Variants in SLC35F1 observed in about 807,000 individuals in gnomAD.
The protein encoded by SLC35F1 is solute carrier family 35 member F1, also known as chromosome 6 open reading frame 169.
A neutral mutation model predicts 48.7 loss-of-function variants in SLC35F1; 14 were observed. The ratio of observed to expected loss-of-function variants is 0.29; its 90% confidence interval spans 0.19 to 0.45. The LOEUF (loss-of-function observed/expected upper bound fraction) is 0.45. Among genes scored for constraint, SLC35F1 ranks in the 20% least tolerant of loss-of-function variants. The pLI, the probability that SLC35F1 is intolerant of heterozygous loss-of-function variation, is 1.00. For synonymous variants in SLC35F1, 190 were observed against 202.2 expected (o/e 0.94, Z 0.51); for missense variants, 404 against 500.0 (o/e 0.81, Z 1.83).
chr6:118,248,017 A>G (rs1366943570), intron 3 of SLC35F1, among the ~76,000 whole-genome samples: 1 of 152,236 alleles, frequency 6.6e-6, no homozygotes, highest in Non-Finnish European at 1.5e-5. Flanking sequence ...CATTAAGGAT[A>G]TTCCAATGAG....
chr6:118,307,328 T>G (rs1317460360), intron 7 of SLC35F1, among the ~76,000 whole-genome samples: 1 of 152,178 alleles, frequency 6.6e-6, no homozygotes, highest in African/African-American at 2.4e-5. Context: ...TAAAGACAAC[T>G]GATTTTGGTA....
At chr6:118,149,386 T>A (rs1209461773) in intron 1 of SLC35F1, among the ~76,000 whole-genome samples, 2 of 152,210 alleles carry the variant, frequency 1.3e-5, no homozygotes, top group Admixed American at 6.5e-5. Context: ...GTACAACACA[T>A]CGCCAAATGG....
intron 1 of SLC35F1, among the ~76,000 whole-genome samples, chr6:117,914,299 G>A (rs1046586552): frequency 1.3e-5 from 2 of 148,736 alleles, no homozygotes; most frequent in East Asian, 1.9e-4. Flanking sequence ...TGCAAGTTCC[G>A]AGATTATAAG....
chr6:118,298,171 T>G (rs553360179), intron 7 of SLC35F1, among the ~76,000 whole-genome samples: 36 of 152,244 alleles, frequency 2.4e-4, no homozygotes, highest in African/African-American at 8.7e-4. Context: ...AATAAACCAC[T>G]TTTATTTATA....
chr6:118,225,506 A>G (rs955332358), intron 2 of SLC35F1, among the ~76,000 whole-genome samples: 16 of 152,318 alleles, frequency 1.1e-4, no homozygotes, highest in African/African-American at 3.8e-4. Context: ...TGGATTGAAG[A>G]CTTAAGTCTA....
chr6:117,907,535 G>A lies in SLC35F1; in HGVS notation c.-192G>A, dbSNP rs1333376302. 111 of 353,614 alleles carry A rather than the reference G, an allele frequency of 3.1e-4. No individual in the cohort carries two copies. The East Asian group carries it at 4.6e-3, about 15-fold the overall frequency. 21.9% of individuals were successfully genotyped at this position (353,614 alleles called of 1,614,324 possible). On this transcript the variant is annotated 5_prime_UTR_variant, in exon 1 of 8. Transcript: ENST00000360388. ...CGAGGGTGCGCGCACTGGGACTGGAGAGGAGTGAGTGGCGGGCTGGGCGGC... is the reference window on the plus strand; with the variant it reads ...CGAGGGTGCGCGCACTGGGACTGGAAAGGAGTGAGTGGCGGGCTGGGCGGC...
chr6:118,294,822 A>G (rs1776164282), intron 7 of SLC35F1, among the ~76,000 whole-genome samples: 2 of 148,948 alleles, frequency 1.3e-5, no homozygotes. Flanking sequence ...ATAATTACTA[A>G]AAAAAAAAAG....
intron 1 of SLC35F1, among the ~76,000 whole-genome samples, chr6:117,936,757 A>T (rs1776167787): frequency 6.6e-6 from 1 of 152,206 alleles, no homozygotes; most frequent in African/African-American, 2.4e-5. Context: ...TTTTAAAAAA[A>T]AACTTTGTAT....
At chr6:118,193,681 G>T (rs1774763147) in intron 2 of SLC35F1, among the ~76,000 whole-genome samples, 1 of 152,194 alleles carries the variant, frequency 6.6e-6, no homozygotes, top group South Asian at 2.1e-4. Flanking sequence ...GAAAAACCTG[G>T]TAAGTTATTT....
intron 1 of SLC35F1, among the ~76,000 whole-genome samples, chr6:117,964,897 A>T (rs1342198087): frequency 6.6e-6 from 1 of 152,196 alleles, no homozygotes; most frequent in Non-Finnish European, 1.5e-5. Context: ...TGACTGACTA[A>T]AGTTAGGGGT....
At chr6:118,295,822 TA>T (rs1321144397) in intron 7 of SLC35F1, among the ~76,000 whole-genome samples, 1 of 152,204 alleles carries the variant, frequency 6.6e-6, no homozygotes, top group African/African-American at 2.4e-5. Flanking sequence ...CTTTTTAAAG[TA>T]TTGCTAGTGA....
chr6:118,246,733 C>T lies in SLC35F1; in HGVS notation c.477+11097C>T, dbSNP rs191659639. ...ATAAGTGAGAATAAAAATCCTTTCCCCTGGTGTGATCATGGTATGCAAATG... is the reference window on the plus strand; with the variant it reads ...ATAAGTGAGAATAAAAATCCTTTCCTCTGGTGTGATCATGGTATGCAAATG... On this transcript the variant is annotated intron_variant, in intron 3 of 7. Coordinates refer to ENST00000360388, the MANE Select transcript of SLC35F1 (RefSeq NM_001029858.4). Among the ~76,000 whole-genome samples the T allele has an allele frequency of 1.2e-3, 183 of 152,228 alleles. 2 individuals carry two copies. Among genetic ancestry groups the T allele is most frequent in the African/African-American group, 4.1e-3 (170 of 41,540 alleles).
chr6:118,131,235 A>G (rs1773706810), intron 1 of SLC35F1, among the ~76,000 whole-genome samples: 1 of 135,260 alleles, frequency 7.4e-6, no homozygotes, highest in Non-Finnish European at 1.7e-5. Context: ...TGTAACATAG[A>G]AAGCATAAAA....
At chr6:117,981,388 T>C (rs186150619) in intron 1 of SLC35F1, among the ~76,000 whole-genome samples, 1 of 151,660 alleles carries the variant, frequency 6.6e-6, no homozygotes, top group Non-Finnish European at 1.5e-5. Context: ...AAACTGAGAG[T>C]AGAGTTCTTA....
At chr6:118,017,623 T>C (rs190315512) in intron 1 of SLC35F1, among the ~76,000 whole-genome samples, 8 of 152,278 alleles carry the variant, frequency 5.3e-5, no homozygotes, top group Admixed American at 3.9e-4. Flanking sequence ...TCATCTGTGG[T>C]AGATCTTTTG....
At chr6:117,993,511 A>G (rs932548814) in intron 1 of SLC35F1, among the ~76,000 whole-genome samples, 23 of 152,200 alleles carry the variant, frequency 1.5e-4, no homozygotes, top group African/African-American at 5.5e-4. Flanking sequence ...TACTATGGAT[A>G]TAGCAGTGAG....
chr6:117,996,047 CA>C (rs1182279652), intron 1 of SLC35F1, among the ~76,000 whole-genome samples: 1 of 152,150 alleles, frequency 6.6e-6, no homozygotes, highest in African/African-American at 2.4e-5. Flanking sequence ...GCTGATGGAA[CA>C]TTACAAAGAG....
At chr6:118,211,623 T>C (rs1412452454) in intron 2 of SLC35F1, among the ~76,000 whole-genome samples, 2 of 152,212 alleles carry the variant, frequency 1.3e-5, no homozygotes, top group Non-Finnish European at 2.9e-5. Flanking sequence ...GGACATACCC[T>C]TGAGGAGAGT....
At chr6:117,956,259 A>T (rs914858752) in intron 1 of SLC35F1, among the ~76,000 whole-genome samples, 2 of 152,188 alleles carry the variant, frequency 1.3e-5, no homozygotes, top group Non-Finnish European at 2.9e-5. Flanking sequence ...TACCGCACAG[A>T]ATGGAGCACC....
Sources: gnomAD v4.1 joint callset for allele counts (sites outside exome capture counted in the v4.1 genomes callset) on GRCh38, gnomAD v4.1.1 for gene constraint, MANE v1.5 for transcripts, NCBI Gene and HGNC (gene_info 2026-07-23, HGNC 2026-07-21) for gene names.